MYO1B: variants seen among roughly 807,000 people sequenced by gnomAD.
The protein encoded by MYO1B is myosin IB.
MYO1B carries 72 observed loss-of-function variants against 159.7 expected under a neutral mutation model. That is an observed-to-expected ratio of 0.45 (90% CI 0.37 to 0.55). The LOEUF (loss-of-function observed/expected upper bound fraction) is 0.55, where lower values mean the gene tolerates loss of function less well. Ranked by LOEUF, MYO1B falls within the 20% of genes least tolerant of loss-of-function variation. MYO1B has a pLI of 0.00. For missense variants in MYO1B, 1,062 were observed against 1,364.8 expected, an observed-to-expected ratio of 0.78 and a Z score of 3.50; for synonymous variants, 468 against 473.8, an observed-to-expected ratio of 0.99 and a Z score of 0.16.
intron 22 of MYO1B, 75 bp from the exon 23 acceptor site, chr2:191,400,670 TTTTC>T: frequency 2.6e-6 from 4 of 1,516,238 alleles, no homozygotes; most frequent in Non-Finnish European, 3.6e-6. Context: ...GTGTCTCTCT[TTTTC>T]TTTCTTCATT....
intron 30 of MYO1B, among the ~76,000 whole-genome samples, chr2:191,417,781 T>C (rs2030211): frequency 0.92 from 139,584 of 152,280 alleles, 64,576 homozygotes; most frequent in East Asian, 1. Context: ...CATCTCAGAG[T>C]CCCTGAAATC....
chr2:191,308,115 G>A (rs1689764415), intron 3 of MYO1B, among the ~76,000 whole-genome samples: 2 of 152,064 alleles, frequency 1.3e-5, no homozygotes. Flanking sequence ...TCCCTATCCT[G>A]ATGCTACTGA....
At chr2:191,311,098 G>A (rs17348355) in intron 3 of MYO1B, among the ~76,000 whole-genome samples, 9,569 of 152,240 alleles carry the variant, frequency 0.063, 427 homozygotes, top group Middle Eastern at 0.11. Flanking sequence ...TGGATGCATA[G>A]GTGATCAGCT....
chr2:191,313,470 C>T lies in MYO1B; in HGVS notation c.252-16465C>T, dbSNP rs556467046. Among the ~76,000 whole-genome samples, 30 of 151,054 alleles carry T rather than the reference C, an allele frequency of 2.0e-4. No individual in the cohort carries two copies. The East Asian group carries it at 4.7e-3, about 24-fold the overall frequency. ...CACGATCTCGGCTCACTGCAAGCTC[C>T]GCCTCCCGGGTTCACACCATTCTCC... On this transcript the variant is annotated intron_variant, in intron 3 of 30. Transcript: ENST00000392318.
intron 3 of MYO1B, among the ~76,000 whole-genome samples, chr2:191,324,923 G>A (rs1029913743): frequency 5.3e-5 from 8 of 152,128 alleles, no homozygotes; most frequent in African/African-American, 1.7e-4. Context: ...TTGGGCAAAT[G>A]TTTCTGAATT....
At chr2:191,403,077 C>G (rs1181792911) in intron 24 of MYO1B, among the ~76,000 whole-genome samples, 1 of 152,168 alleles carries the variant, frequency 6.6e-6, no homozygotes, top group African/African-American at 2.4e-5. Context: ...TCCACAGTGA[C>G]CAGCCTAGGG....
chr2:191,258,359 A>G (rs1686583595), intron 1 of MYO1B, among the ~76,000 whole-genome samples: 1 of 152,248 alleles, frequency 6.6e-6, no homozygotes, highest in Admixed American at 6.5e-5. Context: ...TAGGGCACTT[A>G]TGAATAGAGC....
intron 2 of MYO1B, among the ~76,000 whole-genome samples, chr2:191,294,606 C>T (rs1321096434): frequency 6.6e-6 from 1 of 152,108 alleles, no homozygotes; most frequent in East Asian, 1.9e-4. Flanking sequence ...ACCAGAAAAC[C>T]TTGAGAAAGT....
rs1007594103 is a variant in MYO1B at position 191,388,703 on chromosome 2, AT to A, written c.1781+1263del. 6.1e-4 allele frequency among the ~76,000 whole-genome samples: 91 copies of A among 149,728 alleles called. 1 individual carries two copies. The highest frequency in any genetic ancestry group is 1.9e-3 in the African/African-American group (76 of 40,882). On this transcript the variant is annotated intron_variant, in intron 17 of 30. Transcript: ENST00000392318. The stretch of plus-strand genomic sequence containing the variant: ...GCTTTTGTTATTCTCAATTGAATGA[AT>A]TTTTTTTTTGCATCTTAACTCTATT...
At chr2:191,318,624 TAATA>T (rs911324064) in intron 3 of MYO1B, among the ~76,000 whole-genome samples, 2 of 152,184 alleles carry the variant, frequency 1.3e-5, no homozygotes, top group African/African-American at 4.8e-5. Context: ...AGATACGTAG[TAATA>T]AATACCAACT....
intron 4 of MYO1B, among the ~76,000 whole-genome samples, chr2:191,333,629 CTT>C (rs1691634222): frequency 6.6e-6 from 1 of 152,096 alleles, no homozygotes; most frequent in African/African-American, 2.4e-5. Flanking sequence ...GGTTTCTCTC[CTT>C]TCTCTCTTGA....
rs1447885516 is a variant in MYO1B, at chr2:191,408,121, A to G, written c.2563A>G (p.Arg855Gly). Reference protein sequence around the residue: ...WAYWLGLKVRREYRKFFRANA... With the variant: ...WAYWLGLKVRGEYRKFFRANA... ...CTACATCTTCTTTTTAAAGGTACGTAGAGAATACAGGAAATTCTTCAGAGC... is the reference window on the plus strand; with the variant it reads ...CTACATCTTCTTTTTAAAGGTACGTGGAGAATACAGGAAATTCTTCAGAGC... Residue 855 changes from arginine to glycine, a missense_variant, in exon 25 of 31, where the codon AGA (arginine) becomes GGA (glycine). Transcript: ENST00000392318. 6.2e-7 allele frequency: 1 copy of G among 1,611,108 alleles called. No individual in the cohort carries two copies. The highest frequency in any genetic ancestry group is 2.2e-5 in the East Asian group (1 of 44,808).
intron 4 of MYO1B, among the ~76,000 whole-genome samples, chr2:191,330,656 G>T (rs1447770596): frequency 2.0e-5 from 3 of 152,176 alleles, no homozygotes; most frequent in Non-Finnish European, 4.4e-5. Context: ...AAAAGATTCA[G>T]AAGAGCCACA....
rs200016616 is a variant in MYO1B at position 191,276,854 on chromosome 2, G to T, written c.-9-33G>T. 2.5e-6 allele frequency: 4 copies of T among 1,572,212 alleles called. No individual in the cohort carries two copies. The South Asian group carries it at 4.7e-5, about 18-fold the overall frequency. ...GAACCTATTTGAAATTATTTTGCTCGTTTAAATTGACCCCTTTCCCTCTCT... is the reference window on the plus strand; with the variant it reads ...GAACCTATTTGAAATTATTTTGCTCTTTTAAATTGACCCCTTTCCCTCTCT... On this transcript the variant is annotated intron_variant, in intron 1 of 30. Transcript: ENST00000392318.
intron 2 of MYO1B, among the ~76,000 whole-genome samples, chr2:191,278,664 T>C (rs528125474): frequency 7.9e-5 from 12 of 152,350 alleles, no homozygotes; most frequent in African/African-American, 2.9e-4. Flanking sequence ...CTGATCCAAA[T>C]GGAAAAGGTA....
intron 3 of MYO1B, among the ~76,000 whole-genome samples, chr2:191,317,021 A>T (rs1290987953): frequency 1.3e-5 from 2 of 152,214 alleles, no homozygotes; most frequent in Non-Finnish European, 2.9e-5. Context: ...CGGAACACTG[A>T]AAGTAATCCT....
rs535392708 is a variant in MYO1B at position 191,390,627 on chromosome 2, A to T, written c.1982+135A>T. 7 of 1,011,848 alleles carry T rather than the reference A, an allele frequency of 6.9e-6. No homozygotes were observed. In the Admixed American group the frequency reaches 1.7e-4, roughly 25 times the overall value. 62.7% of individuals were successfully genotyped at this position (1,011,848 alleles called of 1,614,324 possible). Reference sequence around the variant, plus strand: ...TAACCTCTGTTTTGGACCTTCTTCCATTAGGATACCATTTTGTGCTAAGGT... The same window carrying T: ...TAACCTCTGTTTTGGACCTTCTTCCTTTAGGATACCATTTTGTGCTAAGGT... On this transcript the variant is annotated intron_variant, in intron 18 of 30. Transcript: ENST00000392318.
chr2:191,254,160 G>A (rs567746690), intron 1 of MYO1B, among the ~76,000 whole-genome samples: 62 of 152,248 alleles, frequency 4.1e-4, no homozygotes, highest in Middle Eastern at 3.4e-3. Flanking sequence ...TTCCAATACA[G>A]CATAAAATAA....
At chr2:191,410,670 A>G (rs940597647) in intron 26 of MYO1B, among the ~76,000 whole-genome samples, 1 of 151,890 alleles carries the variant, frequency 6.6e-6, no homozygotes, top group Non-Finnish European at 1.5e-5. Flanking sequence ...CTTTTGTGTC[A>G]GTTTTCTCTG....
Sources: allele counts gnomAD v4.1 joint callset (sites outside exome capture counted in the v4.1 genomes callset), GRCh38; gene constraint gnomAD v4.1.1; transcripts MANE v1.5; gene names NCBI Gene and HGNC (gene_info 2026-07-23, HGNC 2026-07-21).